Variants in ELK4 observed in about 807,000 individuals in gnomAD.
ELK4 encodes the protein ETS domain-containing protein Elk-4.
In ELK4, 16 loss-of-function variants were observed where a neutral mutation model predicts 29.6. The observed-to-expected ratio is 0.54, with a 90% confidence interval of 0.37 to 0.82. The LOEUF (loss-of-function observed/expected upper bound fraction) is 0.82. Ranked by LOEUF, ELK4 falls within the 40% of genes least tolerant of loss-of-function variation. The pLI is 0.00. For synonymous variants in ELK4, 213 were observed against 191.1 expected, an observed-to-expected ratio of 1.11 and a Z score of -0.95; for missense variants, 465 against 507.1, an observed-to-expected ratio of 0.92 and a Z score of 0.80.
rs914768392 is a variant in ELK4, at chr1:205,608,281, AT to A, written c.*8264del. 8.9e-4 allele frequency: 164 copies of A among 184,440 alleles called. No individual in the cohort carries two copies. Among genetic ancestry groups the A allele is most frequent in the East Asian group, 2.3e-3 (26 of 11,114 alleles). The allele number at this position is 184,440 out of a possible 1,614,324, so 11.4% of individuals were successfully genotyped here. ...GAGATGCACTGAGTATCAACTACAC[AT>A]TTTTTTTTTCAAGCAGCATATTATT... On this transcript the variant is annotated 3_prime_UTR_variant, in exon 5 of 5. Transcript: ENST00000357992.
In ELK4 at chr1:205,620,530, G is replaced by C; in HGVS notation, c.516C>G (p.Ala172=). 2 of 1,614,116 alleles carry C rather than the reference G, an allele frequency of 1.2e-6. No homozygotes were observed. Among genetic ancestry groups the C allele is most frequent in the Non-Finnish European group, 8.5e-7 (1 of 1,180,022 alleles). The change falls in exon 3 of 5, where the codon GCC becomes GCG. Residue 172 remains alanine, a synonymous_variant. Transcript: ENST00000357992. ...LFKLIKTENP[A]EKLAEKKSPQ... Reference sequence around the variant, plus strand: ...GAGATTTTTTCTCTGCCAGTTTCTCGGCTGGATTCTCAGTCTTTATCAATT... The same window carrying C: ...GAGATTTTTTCTCTGCCAGTTTCTCCGCTGGATTCTCAGTCTTTATCAATT...
At chr1:205,625,312 G>A (rs1288710151) in intron 1 of ELK4, among the ~76,000 whole-genome samples, 1 of 149,292 alleles carries the variant, frequency 6.7e-6, no homozygotes, top group African/African-American at 2.5e-5. Flanking sequence ...AAAAAGCAAA[G>A]AATTTGAAAA....
In ELK4 at chr1:205,614,552, G is replaced by A. The variant is rs1670200294; in HGVS notation, c.*1994C>T. On this transcript the variant is annotated 3_prime_UTR_variant, in exon 5 of 5. Coordinates refer to ENST00000357992, the MANE Select transcript of ELK4 (RefSeq NM_001973.4). ...ACTACTATTGCACATCTCAGGAACA[G>A]AACCTTCAACTGATAACCACAAATG... 4.4e-6 allele frequency: 1 copy of A among 228,966 alleles called. No individual in the cohort carries two copies. The highest frequency in any genetic ancestry group is 8.7e-6 in the Non-Finnish European group (1 of 115,430). 14.2% of individuals were successfully genotyped at this position (228,966 alleles called of 1,614,324 possible).
chr1:205,615,212 G>A lies in ELK4; in HGVS notation c.*1334C>T, dbSNP rs1204708493. 5.9e-6 allele frequency: 1 copy of A among 168,732 alleles called. No individual in the cohort carries two copies. Among genetic ancestry groups the A allele is most frequent in the Non-Finnish European group, 1.3e-5 (1 of 77,646 alleles). 10.5% of individuals were successfully genotyped at this position (168,732 alleles called of 1,614,324 possible). ...TCAAGACCATCCTGGCCAACATGGT[G>A]AAACCCCGTCTCTACTAAAAATACA... On this transcript the variant is annotated 3_prime_UTR_variant, in exon 5 of 5. Coordinates refer to ENST00000357992, the MANE Select transcript of ELK4 (RefSeq NM_001973.4).
intron 1 of ELK4, among the ~76,000 whole-genome samples, chr1:205,627,016 T>C (rs1670479204): frequency 1.3e-5 from 2 of 152,116 alleles, no homozygotes. Flanking sequence ...CTTGAAAACA[T>C]TATGCAAGTG....
In ELK4 at chr1:205,610,667, T is replaced by A; in HGVS notation, c.*5879A>T. ...CCTACTGAAATGTGCAAAGCATTAA[T>A]CTTTTAAAAAGTGGCAACTGCAAAG... is the stretch of plus-strand genomic sequence containing the variant. On this transcript the variant is annotated 3_prime_UTR_variant, in exon 5 of 5. Transcript: ENST00000357992. 1 of 231,532 alleles carries A rather than the reference T, an allele frequency of 4.3e-6. No homozygotes were observed. Among genetic ancestry groups the A allele is most frequent in the Non-Finnish European group, 8.5e-6 (1 of 116,988 alleles). 14.3% of individuals were successfully genotyped at this position (231,532 alleles called of 1,614,324 possible). A position where few individuals can be genotyped will look rare whatever the true frequency, so the allele number is the denominator to read the frequency against.
intron 1 of ELK4, among the ~76,000 whole-genome samples, chr1:205,626,923 GATAA>G (rs1033950638): frequency 2.6e-5 from 4 of 152,254 alleles, no homozygotes; most frequent in Admixed American, 1.3e-4. Context: ...CTGATGAATG[GATAA>G]ATAATATGTG....
chr1:205,619,089 C>G lies in ELK4; in HGVS notation c.1081-16G>C. ...TGATGGGTGTCTGCAATACACAAAG[C>G]AAAAATATTCACTGACTGACTTACC... On this transcript the variant is annotated splice_polypyrimidine_tract_variant and intron_variant, in intron 3 of 4. Transcript: ENST00000357992. 2 of 1,501,278 alleles carry G rather than the reference C, an allele frequency of 1.3e-6. No individual in the cohort carries two copies. The highest frequency in any genetic ancestry group is 1.8e-6 in the Non-Finnish European group (2 of 1,117,176). The allele number at this position is 1,501,278 out of a possible 1,614,324, so 93.0% of individuals were successfully genotyped here.
intron 1 of ELK4, among the ~76,000 whole-genome samples, chr1:205,628,220 G>A (rs1179234018): frequency 6.6e-6 from 1 of 152,220 alleles, no homozygotes; most frequent in African/African-American, 2.4e-5. Flanking sequence ...GAAGCAGGCA[G>A]GGATTCCCTG....
At chr1:205,617,496 T>A (rs1351601524) in intron 4 of ELK4, among the ~76,000 whole-genome samples, 1 of 152,100 alleles carries the variant, frequency 6.6e-6, no homozygotes, top group Non-Finnish European at 1.5e-5. Flanking sequence ...AGAGATAATA[T>A]TCATTTTTTT....
At chr1:205,628,463 T>A (rs1571508349) in intron 1 of ELK4, among the ~76,000 whole-genome samples, 1 of 152,314 alleles carries the variant, frequency 6.6e-6, no homozygotes, top group Admixed American at 6.5e-5. Flanking sequence ...CGTGAGATGA[T>A]GAAGGAAAGA....
Position 205,623,894 on chromosome 1 carries a change from G to A in ELK4, c.-9-3C>T. On this transcript the variant is annotated splice_polypyrimidine_tract_variant and splice_region_variant and intron_variant, in intron 1 of 4. Coordinates refer to ENST00000357992, the MANE Select transcript of ELK4 (RefSeq NM_001973.4). ...ATAGCACTGTCCATAGCAATGAGCT[G>A]AAAGAATATAGATAAGATATGTGAT... 6.2e-7 allele frequency: 1 copy of A among 1,613,334 alleles called. No homozygotes were observed. Among genetic ancestry groups the A allele is most frequent in the Non-Finnish European group, 8.5e-7 (1 of 1,179,398 alleles).
chr1:205,631,027 C>T (rs1455733926), intron 1 of ELK4, among the ~76,000 whole-genome samples: 3 of 152,248 alleles, frequency 2.0e-5, no homozygotes, highest in Non-Finnish European at 4.4e-5. Context: ...CTATTTCCTT[C>T]CAAGGCCAGT....
At chr1:205,622,547 C>T (rs1339590391) in intron 2 of ELK4, among the ~76,000 whole-genome samples, 5 of 152,036 alleles carry the variant, frequency 3.3e-5, no homozygotes, top group South Asian at 2.1e-4. Flanking sequence ...TGTACACCAC[C>T]GCGCCACACT....
rs1670147003 is a variant in ELK4 at position 205,611,249 on chromosome 1, C to T, written c.*5297G>A. On this transcript the variant is annotated 3_prime_UTR_variant, in exon 5 of 5. Coordinates refer to ENST00000357992, the MANE Select transcript of ELK4 (RefSeq NM_001973.4). ...AGTTTCAAATGAAACAATTATACTA[C>T]CATTAACGATTCACCTTTCAGATTT... 1 of 210,156 alleles carries T rather than the reference C, an allele frequency of 4.8e-6. No homozygotes were observed. The highest frequency in any genetic ancestry group is 2.3e-5 in the African/African-American group (1 of 44,082). 13.0% of individuals were successfully genotyped at this position (210,156 alleles called of 1,614,324 possible). A position where few individuals can be genotyped will look rare whatever the true frequency, so the allele number is the denominator to read the frequency against.
chr1:205,625,735 G>T, intron 1 of ELK4: 1 of 698,434 alleles, frequency 1.4e-6, no homozygotes, highest in Non-Finnish European at 2.6e-6. Flanking sequence ...CTGGAGTGCA[G>T]TGGCGCAATC....
chr1:205,623,521 G>C (rs1670393827), intron 2 of ELK4, among the ~76,000 whole-genome samples, 155 bp downstream of exon 2: 1 of 152,006 alleles, frequency 6.6e-6, no homozygotes, highest in Non-Finnish European at 1.5e-5. Flanking sequence ...CACCACATCG[G>C]TTAGGCTGGT....
chr1:205,625,312 G>T (rs1288710151), intron 1 of ELK4, among the ~76,000 whole-genome samples: 1 of 149,292 alleles, frequency 6.7e-6, no homozygotes, highest in Non-Finnish European at 1.5e-5. Flanking sequence ...AAAAAGCAAA[G>T]AATTTGAAAA....
At chr1:205,627,703 T>C (rs1670494142) in intron 1 of ELK4, among the ~76,000 whole-genome samples, 1 of 152,112 alleles carries the variant, frequency 6.6e-6, no homozygotes, top group Admixed American at 6.5e-5. Flanking sequence ...AACATTTAAC[T>C]CACAGAAGAT....
Sources: gnomAD v4.1 joint callset for allele counts (sites outside exome capture counted in the v4.1 genomes callset) on GRCh38, gnomAD v4.1.1 for gene constraint, MANE v1.5 for transcripts, NCBI Gene and HGNC (gene_info 2026-07-23, HGNC 2026-07-21) for gene names.